The following FOXK2 variants were observed in gnomAD, a reference collection of about 807,000 sequenced individuals.
FOXK2 encodes forkhead box protein K2.
FOXK2 carries 24 observed loss-of-function variants against 53.3 expected under a neutral mutation model. That is an observed-to-expected ratio of 0.45 (90% CI 0.33 to 0.63). The LOEUF (loss-of-function observed/expected upper bound fraction) is 0.63. Ranked by LOEUF, FOXK2 falls within the 30% of genes least tolerant of loss-of-function variation. The pLI, the probability that FOXK2 is intolerant of heterozygous loss-of-function variation, is 0.03. For synonymous variants in FOXK2, 505 were observed against 407.1 expected (o/e 1.24, Z -2.89); for missense variants, 952 against 910.5 (o/e 1.05, Z -0.59).
chr17:82,550,605 C>G (rs1447114000), intron 1 of FOXK2, among the ~76,000 whole-genome samples: 1 of 151,420 alleles, frequency 6.6e-6, no homozygotes, highest in Non-Finnish European at 1.5e-5. Context: ...CGGGTTCACG[C>G]CATTCTCCTG....
chr17:82,521,935 CA>C (rs55776373), intron 1 of FOXK2, among the ~76,000 whole-genome samples: 75 of 119,632 alleles, frequency 6.3e-4, no homozygotes, highest in South Asian at 8.0e-4. Flanking sequence ...GACTCCGCCT[CA>C]AAAAAAAAAA....
chr17:82,519,874 C>A lies in FOXK2; in HGVS notation c.-15C>A. On this transcript the variant is annotated 5_prime_UTR_variant, in exon 1 of 9. Coordinates refer to ENST00000335255, the MANE Select transcript of FOXK2 (RefSeq NM_004514.4). ...GCGCCCGCGCGGAGCGGCCCGGGGG[C>A]CCTCACGCAGGCCCATGGCGGCGGC... 1.0e-6 allele frequency: 1 copy of A among 974,694 alleles called. No homozygotes were observed. Among genetic ancestry groups the A allele is most frequent in the Non-Finnish European group, 1.2e-6 (1 of 823,964 alleles). The allele number at this position is 974,694 out of a possible 1,614,324, so 60.4% of individuals were successfully genotyped here. A position where few individuals can be genotyped will look rare whatever the true frequency, so the allele number is the denominator to read the frequency against.
intron 4 of FOXK2, chr17:82,576,978 G>A (rs1164242562): frequency 5.2e-6 from 2 of 387,186 alleles, no homozygotes; most frequent in South Asian, 2.7e-5. Context: ...TGACCAACAC[G>A]GAGAAACTAC....
chr17:82,522,488 C>G (rs2044373261), intron 1 of FOXK2, among the ~76,000 whole-genome samples: 1 of 151,520 alleles, frequency 6.6e-6, no homozygotes, highest in Non-Finnish European at 1.5e-5. Context: ...CCTGCCTCAG[C>G]CTCCCGAGTA....
At chr17:82,541,160 G>T (rs559651564) in intron 1 of FOXK2, among the ~76,000 whole-genome samples, 1 of 152,272 alleles carries the variant, frequency 6.6e-6, no homozygotes, top group East Asian at 1.9e-4. Context: ...CAACCTCAGG[G>T]GCGTGCAGGG....
intron 1 of FOXK2, among the ~76,000 whole-genome samples, chr17:82,558,635 G>GCTC (rs2044758154): frequency 6.6e-6 from 1 of 152,268 alleles, no homozygotes; most frequent in South Asian, 2.1e-4. Context: ...GGGAGGACCG[G>GCTC]CGGGGAGTCT....
chr17:82,566,670 G>T (rs11652501), intron 2 of FOXK2, among the ~76,000 whole-genome samples: 6 of 152,028 alleles, frequency 3.9e-5, no homozygotes, highest in African/African-American at 9.7e-5. Context: ...GGGGAAGGGT[G>T]GGTCACAGCT....
chr17:82,558,047 T>C (rs1039890731), intron 1 of FOXK2, among the ~76,000 whole-genome samples: 2 of 152,128 alleles, frequency 1.3e-5, no homozygotes, highest in Non-Finnish European at 2.9e-5. Flanking sequence ...ATTGGAAACA[T>C]TGGGGTTGGG....
Position 82,586,028 on chromosome 17 carries a change from G to A in FOXK2, c.1404G>A (p.Val468=), listed in dbSNP as rs1288812116. The A allele has an allele frequency of 6.2e-7, 1 of 1,612,830 alleles. No individual in the cohort carries two copies. Among genetic ancestry groups the A allele is most frequent in the Non-Finnish European group, 8.5e-7 (1 of 1,179,994 alleles). The part of the protein sequence containing the change: ...VTTSTSQPPV[V]QTVHVVHQIP... Reference sequence around the variant, plus strand: ...CCTCGACCTCCCAGCCACCCGTCGTGCAGACGGTTCACGTCGTCCACCAGA... The same window carrying A: ...CCTCGACCTCCCAGCCACCCGTCGTACAGACGGTTCACGTCGTCCACCAGA... Residue 468 remains valine, a synonymous_variant, in exon 7 of 9, where the codon GTG becomes GTA. Coordinates refer to ENST00000335255, the MANE Select transcript of FOXK2 (RefSeq NM_004514.4).
chr17:82,538,569 C>T (rs1599883312), intron 1 of FOXK2, among the ~76,000 whole-genome samples: 1 of 152,242 alleles, frequency 6.6e-6, no homozygotes, highest in African/African-American at 2.4e-5. Flanking sequence ...CAGAAGAATG[C>T]CCTTGTCCTC....
chr17:82,589,553 T>G (rs184012448), intron 8 of FOXK2, among the ~76,000 whole-genome samples: 349 of 152,376 alleles, frequency 2.3e-3, no homozygotes, highest in African/African-American at 7.7e-3. Flanking sequence ...TCGTTCTGTA[T>G]TCACTGATGG....
intron 4 of FOXK2, among the ~76,000 whole-genome samples, chr17:82,574,051 G>C (rs756237488): frequency 5.6e-4 from 86 of 152,344 alleles, no homozygotes; most frequent in Non-Finnish European, 1.0e-3. Context: ...GCTTTCTGTC[G>C]TCTATTGCAG....
intron 4 of FOXK2, among the ~76,000 whole-genome samples, chr17:82,575,402 A>ATT: frequency 6.6e-6 from 1 of 152,228 alleles, no homozygotes; most frequent in East Asian, 1.9e-4. Context: ...AATAGGAAGG[A>ATT]ACGCCATTGT....
Position 82,586,025 on chromosome 17 carries a change from C to T in FOXK2, c.1401C>T (p.Val467=), listed in dbSNP as rs61737960. The T allele has an allele frequency of 0.017, 27,987 of 1,612,814 alleles. 286 individuals carry two copies. The highest frequency in any genetic ancestry group is 0.019 in the Non-Finnish European group (22,699 of 1,179,984). The change falls in exon 7 of 9, where the codon GTC becomes GTT. Residue 467 remains valine, a synonymous_variant. Transcript: ENST00000335255. ...PVTTSTSQPP[V]VQTVHVVHQI... ...CCACCTCGACCTCCCAGCCACCCGT[C>T]GTGCAGACGGTTCACGTCGTCCACC...
intron 3 of FOXK2, among the ~76,000 whole-genome samples, chr17:82,569,333 C>T (rs1048151194): frequency 1.3e-5 from 2 of 152,248 alleles, no homozygotes; most frequent in African/African-American, 4.8e-5. Context: ...GCGTGTGGTG[C>T]TGTTTCTGTC....
chr17:82,561,555 T>TGA (rs1347736378), intron 1 of FOXK2, among the ~76,000 whole-genome samples: 1 of 151,526 alleles, frequency 6.6e-6, no homozygotes, highest in Admixed American at 6.6e-5. Flanking sequence ...ATCCAGGAGG[T>TGA]GGCCACTCTG....
At chr17:82,582,606 G>C (rs2045077552) in intron 4 of FOXK2, 135 bp from the exon 5 acceptor site, 1 of 677,404 alleles carries the variant, frequency 1.5e-6, no homozygotes, top group African/African-American at 1.8e-5. Context: ...TGACGCAAAA[G>C]AAAAAAAATT....
chr17:82,594,606 G>GTCA (rs2045291592), intron 8 of FOXK2, among the ~76,000 whole-genome samples: 1 of 152,158 alleles, frequency 6.6e-6, no homozygotes, highest in Admixed American at 6.5e-5. Flanking sequence ...CATCTCCGCA[G>GTCA]TCATCTTTCC....
intron 8 of FOXK2, among the ~76,000 whole-genome samples, chr17:82,595,487 G>C (rs2045300742): frequency 6.6e-6 from 1 of 152,014 alleles, no homozygotes; most frequent in Admixed American, 6.6e-5. Flanking sequence ...TTCTTTTGTA[G>C]AGATGGGGTC....
Sources: allele counts gnomAD v4.1 joint callset (sites outside exome capture counted in the v4.1 genomes callset), GRCh38; gene constraint gnomAD v4.1.1; transcripts MANE v1.5; gene names NCBI Gene and HGNC (gene_info 2026-07-23, HGNC 2026-07-21).